The following CNTN5 variants were observed in gnomAD, a reference collection of about 807,000 sequenced individuals.
The protein encoded by CNTN5 is contactin 5, also known as contactin-5.
CNTN5 carries 77 observed loss-of-function variants against 129.1 expected under a neutral mutation model. That is an observed-to-expected ratio of 0.60 (90% CI 0.50 to 0.72). CNTN5 has a LOEUF of 0.72. CNTN5 is among the 30% of genes least tolerant of loss of function. The probability of loss-of-function intolerance (pLI) is 0.00; values close to 1 mark genes in which losing one functional copy is unlikely to be tolerated. For missense variants in CNTN5, 1,478 were observed against 1,328.8 expected, an observed-to-expected ratio of 1.11 and a Z score of -1.75; for synonymous variants, 509 against 465.6, an observed-to-expected ratio of 1.09 and a Z score of -1.20.
intron 11 of CNTN5, 62 bp downstream of exon 11, chr11:100,070,622 A>G (rs1421625606): frequency 2.0e-6 from 3 of 1,521,464 alleles, no homozygotes; most frequent in Non-Finnish European, 2.7e-6. Context: ...CACAGGACAA[A>G]CTAGGCTTCT....
chr11:99,495,195 C>T (rs1946179473), intron 2 of CNTN5, among the ~76,000 whole-genome samples: 1 of 151,954 alleles, frequency 6.6e-6, no homozygotes. Context: ...GATGAAACCC[C>T]GTCTCTACTA....
intron 3 of CNTN5, among the ~76,000 whole-genome samples, chr11:99,571,181 T>C (rs982034690): frequency 4.7e-4 from 71 of 152,272 alleles, no homozygotes; most frequent in African/African-American, 1.6e-3. Context: ...CCTGGACATG[T>C]GTAGGATGCT....
intron 6 of CNTN5, among the ~76,000 whole-genome samples, chr11:99,911,504 T>C (rs1949658011): frequency 6.6e-6 from 1 of 152,060 alleles, no homozygotes; most frequent in Middle Eastern, 3.4e-3. Flanking sequence ...TTGAGCCTTT[T>C]CCTCACTCCT....
chr11:99,781,816 G>T (rs577676607), intron 3 of CNTN5, among the ~76,000 whole-genome samples: 3 of 152,164 alleles, frequency 2.0e-5, no homozygotes, highest in South Asian at 4.1e-4. Flanking sequence ...AGGGATTGAT[G>T]GGACGTATCT....
At chr11:99,568,240 A>G (rs1255638107) in intron 3 of CNTN5, among the ~76,000 whole-genome samples, 2 of 152,336 alleles carry the variant, frequency 1.3e-5, no homozygotes, top group South Asian at 4.1e-4. Flanking sequence ...CTGGCAAGAT[A>G]ACTTTCAACA....
chr11:99,941,950 C>G (rs965727958), intron 7 of CNTN5, among the ~76,000 whole-genome samples: 1 of 151,886 alleles, frequency 6.6e-6, no homozygotes, highest in Non-Finnish European at 1.5e-5. Context: ...AAGAAAACAC[C>G]TGATTTCACT....
chr11:100,030,263 C>T (rs556523028), intron 9 of CNTN5, among the ~76,000 whole-genome samples: 20 of 152,162 alleles, frequency 1.3e-4, no homozygotes, highest in Admixed American at 3.3e-4. Context: ...TCTGTAGTTC[C>T]AGCTACCCAG....
intron 1 of CNTN5, among the ~76,000 whole-genome samples, chr11:99,159,763 C>T (rs1860517647): frequency 6.6e-6 from 1 of 152,132 alleles, no homozygotes; most frequent in African/African-American, 2.4e-5. Flanking sequence ...TTCAGCTCTA[C>T]TGGTAAATTA....
chr11:99,444,483 C>T (rs77631562), intron 2 of CNTN5, among the ~76,000 whole-genome samples: 2,006 of 152,096 alleles, frequency 0.013, 35 homozygotes, highest in African/African-American at 0.046. Flanking sequence ...TTTCTGTGCA[C>T]GTTAGTGAGA....
At position 100,255,705 on chromosome 11, in the gene CNTN5, C is replaced by T. The variant is rs1182600954; in HGVS notation, c.2006-55C>T. On this transcript the variant is annotated intron_variant, in intron 16 of 24. Transcript: ENST00000524871. Reference sequence around the variant, plus strand: ...GCTACATATTGGAAATATAATTTCTCATGGCTCCTGATAATAATTTGTGCT... The same window carrying T: ...GCTACATATTGGAAATATAATTTCTTATGGCTCCTGATAATAATTTGTGCT... The T allele has an allele frequency of 3.4e-6, 5 of 1,479,386 alleles. No individual in the cohort carries two copies. In the East Asian group the frequency reaches 9.1e-5, roughly 27 times the overall value. The allele number at this position is 1,479,386 out of a possible 1,614,324, so 91.6% of individuals were successfully genotyped here. A position where few individuals can be genotyped will look rare whatever the true frequency, so the allele number is the denominator to read the frequency against.
intron 1 of CNTN5, among the ~76,000 whole-genome samples, chr11:99,189,811 T>G (rs1777835397): frequency 6.6e-6 from 1 of 151,748 alleles, no homozygotes; most frequent in South Asian, 2.1e-4. Context: ...TGTTAACCCC[T>G]TATCATATGT....
intron 18 of CNTN5, among the ~76,000 whole-genome samples, chr11:100,290,457 T>A (rs1325079878): frequency 6.8e-6 from 1 of 146,122 alleles, no homozygotes; most frequent in Non-Finnish European, 1.5e-5. Flanking sequence ...ATGCCGCATA[T>A]CTACAACTAT....
chr11:99,130,111 C>A (rs541500330), intron 1 of CNTN5, among the ~76,000 whole-genome samples: 1 of 147,066 alleles, frequency 6.8e-6, no homozygotes, highest in South Asian at 2.2e-4. Flanking sequence ...TCAAAGGTAA[C>A]AATATTAACT....
At chr11:100,284,005 C>A (rs1950706082) in intron 18 of CNTN5, among the ~76,000 whole-genome samples, 1 of 151,978 alleles carries the variant, frequency 6.6e-6, no homozygotes, top group East Asian at 1.9e-4. Flanking sequence ...TGGGCATCAG[C>A]TGAATTTGGT....
At chr11:99,088,801 A>G (rs1940521) in intron 1 of CNTN5, among the ~76,000 whole-genome samples, 65,548 of 151,964 alleles carry the variant, frequency 0.43, 14,289 homozygotes, top group Admixed American at 0.52. Flanking sequence ...CTTGAATTTA[A>G]CCACATATCC....
intron 3 of CNTN5, among the ~76,000 whole-genome samples, chr11:99,617,483 T>C (rs1037996429): frequency 6.6e-6 from 1 of 152,196 alleles, no homozygotes; most frequent in Non-Finnish European, 1.5e-5. Flanking sequence ...CCATAAAGCT[T>C]GGCTATATTA....
intron 3 of CNTN5, among the ~76,000 whole-genome samples, chr11:99,639,081 G>A (rs1951671035): frequency 6.6e-6 from 1 of 152,198 alleles, no homozygotes; most frequent in Non-Finnish European, 1.5e-5. Flanking sequence ...TGAAATCTAG[G>A]CAAAGGTTCC....
chr11:99,163,868 G>C (rs61632874), intron 1 of CNTN5, among the ~76,000 whole-genome samples: 50,552 of 152,028 alleles, frequency 0.33, 9,261 homozygotes, highest in African/African-American at 0.5. Flanking sequence ...TTATTGTTAT[G>C]ACATCTCTTA....
intron 2 of CNTN5, among the ~76,000 whole-genome samples, chr11:99,355,576 G>C (rs1457287283): frequency 6.6e-6 from 1 of 152,126 alleles, no homozygotes; most frequent in African/African-American, 2.4e-5. Flanking sequence ...GATGGTGGTG[G>C]AGGGGTGGTG....
Sources: gnomAD v4.1 joint callset for allele counts (sites outside exome capture counted in the v4.1 genomes callset) on GRCh38, gnomAD v4.1.1 for gene constraint, MANE v1.5 for transcripts, NCBI Gene and HGNC (gene_info 2026-07-23, HGNC 2026-07-21) for gene names.